The following MPLKIP variants were observed in gnomAD, a reference collection of about 807,000 sequenced individuals.
The protein encoded by MPLKIP is M-phase specific PLK1 interacting protein, also known as M-phase-specific PLK1-interacting protein.
Under a neutral mutation model 16.9 loss-of-function variants are expected in MPLKIP, and 16 were observed. That is an observed-to-expected ratio of 0.94 (90% confidence interval 0.64 to 1.43). The LOEUF (loss-of-function observed/expected upper bound fraction) is 1.43. Ranked by LOEUF, MPLKIP falls within the 40% of genes most tolerant of loss-of-function variation. MPLKIP has a pLI of 0.00. For missense variants in MPLKIP, 282 were observed against 237.6 expected, an observed-to-expected ratio of 1.19 and a Z score of -1.23; for synonymous variants, 126 against 98.4, an observed-to-expected ratio of 1.28 and a Z score of -1.66.
In MPLKIP at chr7:40,132,752, A is replaced by T; in HGVS notation, c.*307T>A. The T allele has an allele frequency of 2.6e-6, 1 of 380,216 alleles. No individual in the cohort carries two copies. Among genetic ancestry groups the T allele is most frequent in the South Asian group, 2.4e-5 (1 of 42,510 alleles). The allele number at this position is 380,216 out of a possible 1,614,324, so 23.6% of individuals were successfully genotyped here. ...ACAAAACCACAATAGCTAGAAGACA[A>T]AATGTTTTATTTTAAAACATTGAAA... is the stretch of plus-strand genomic sequence containing the variant. On this transcript the variant is annotated 3_prime_UTR_variant, in exon 2 of 2. Coordinates refer to ENST00000306984, the MANE Select transcript of MPLKIP (RefSeq NM_138701.4).
rs1787418310 is a variant in MPLKIP, at chr7:40,128,312, TAC to T, written c.*4745_*4746del. 2 of 152,280 alleles carry T rather than the reference TAC, an allele frequency of 1.3e-5. No individual in the cohort carries two copies. Among genetic ancestry groups the T allele is most frequent in the Admixed American group, 6.5e-5 (1 of 15,280 alleles). 9.4% of individuals were successfully genotyped at this position (152,280 alleles called of 1,614,324 possible). On this transcript the variant is annotated 3_prime_UTR_variant, in exon 2 of 2. Coordinates refer to ENST00000306984, the MANE Select transcript of MPLKIP (RefSeq NM_138701.4). The stretch of plus-strand genomic sequence containing the variant: ...CTAAGTATATGGTAGGAATGAATGA[TAC>T]AGAGAAATGGTTGAGTGACAATAGC...
rs1233728853 is a variant in MPLKIP, at chr7:40,134,370, A to T, written c.198T>A (p.Ser66=). 6.4e-7 allele frequency: 1 copy of T among 1,555,608 alleles called. No homozygotes were observed. The highest frequency in any genetic ancestry group is 8.7e-7 in the Non-Finnish European group (1 of 1,150,788). ...CCGGGAAGCTGCCGCCGTGTCGCGG[A>T]GAGTGACTGCTCCCGTACGGCCTAG... ...PRSRPYGSSH[S]PRHGGSFPGG... is the part of the protein sequence containing the mutation. Residue 66 remains serine, a synonymous_variant, in exon 1 of 2, where the codon TCT becomes TCA. Transcript: ENST00000306984.
chr7:40,132,844 T>C lies in MPLKIP; in HGVS notation c.*215A>G, dbSNP rs148932784. On this transcript the variant is annotated 3_prime_UTR_variant, in exon 2 of 2. Coordinates refer to ENST00000306984, the MANE Select transcript of MPLKIP (RefSeq NM_138701.4). ...TAAATATATGGAAACGGTAAATCTC[T>C]AAAATGTGGTAGGTACTTCCAGAGC... 5.4e-4 allele frequency: 310 copies of C among 572,056 alleles called. 1 individual carries two copies. The highest frequency in any genetic ancestry group is 5.2e-3 in the African/African-American group (279 of 53,498). The allele number at this position is 572,056 out of a possible 1,614,324, so 35.4% of individuals were successfully genotyped here. A position where few individuals can be genotyped will look rare whatever the true frequency, so the allele number is the denominator to read the frequency against.
In MPLKIP at chr7:40,134,358, G is replaced by A. The variant is rs766916180; in HGVS notation, c.210C>T (p.Gly70=). The change falls in exon 1 of 2, where the codon GGC becomes GGT. Residue 70 remains glycine (G), a synonymous_variant. Transcript: ENST00000306984. ...CGAACCGGCCCCCCGGGAAGCTGCC[G>A]CCGTGTCGCGGAGAGTGACTGCTCC... The part of the protein sequence containing the change: ...PYGSSHSPRH[G]GSFPGGRFGS... 19 of 1,553,676 alleles carry A rather than the reference G, an allele frequency of 1.2e-5. No homozygotes were observed. Among genetic ancestry groups the A allele is most frequent in the Non-Finnish European group, 1.6e-5 (18 of 1,149,662 alleles).
In MPLKIP at chr7:40,126,973, T is replaced by A. The variant is rs959827791; in HGVS notation, c.*6086A>T. On this transcript the variant is annotated 3_prime_UTR_variant, in exon 2 of 2. Coordinates refer to ENST00000306984, the MANE Select transcript of MPLKIP (RefSeq NM_138701.4). ...AGGCGCCCGCCACCATGCCTGGCTA[T>A]TTTTTTTTTTTTATTTTTAGTAGAG... is the stretch of plus-strand genomic sequence containing the variant. 1 of 140,274 alleles carries A rather than the reference T, an allele frequency of 7.1e-6. No individual in the cohort carries two copies. Among genetic ancestry groups the A allele is most frequent in the African/African-American group, 2.6e-5 (1 of 38,884 alleles). 8.7% of individuals were successfully genotyped at this position (140,274 alleles called of 1,614,324 possible).
chr7:40,133,259 C>G lies in MPLKIP; in HGVS notation c.340G>C (p.Gly114Arg). Residue 114 changes from glycine (G) to arginine (R), a missense_variant and splice_region_variant, in exon 2 of 2, where the codon GGT becomes CGT. Physicochemically the swap from Gly to Arg is moderately radical, Grantham distance 125. Transcript: ENST00000306984. ...AATGGTGTAGATGTCCTTGGAGAAC[C>G]CTTTAGAAAAAAAATCAGTTAAAAA... ...SPGQQQTHPQ[G>R]SPRTSTPFGS... is the part of the protein sequence containing the mutation. 1.2e-6 allele frequency: 2 copies of G among 1,611,552 alleles called. No homozygotes were observed. Among genetic ancestry groups the G allele is most frequent in the Non-Finnish European group, 1.7e-6 (2 of 1,179,476 alleles).
Position 40,131,078 on chromosome 7 carries a change from G to A in MPLKIP, c.*1981C>T, listed in dbSNP as rs1006744785. 6.6e-6 allele frequency: 1 copy of A among 152,140 alleles called. No homozygotes were observed. The highest frequency in any genetic ancestry group is 1.5e-5 in the Non-Finnish European group (1 of 68,030). 9.4% of individuals were successfully genotyped at this position (152,140 alleles called of 1,614,324 possible). On this transcript the variant is annotated 3_prime_UTR_variant, in exon 2 of 2. Coordinates refer to ENST00000306984, the MANE Select transcript of MPLKIP (RefSeq NM_138701.4). ...TAATCCTCCAACACAACACCTCTAT[G>A]ACACAGGTACTATTAATTTTCTCAT...
Position 40,133,178 on chromosome 7 carries a change from T to A in MPLKIP, c.421A>T (p.Lys141Ter), listed in dbSNP as rs991764046. ...RMSNELENYFKPSMLEDPWAG... is the reference protein window; with the variant it reads ...RMSNELENYF ...CAAGGATCTTCAAGCATTGAAGGCT[T>A]GAAATAATTTTCCAACTCATTAGAC... is the stretch of plus-strand genomic sequence containing the variant. The change falls in exon 2 of 2, where the codon AAG (lysine) becomes TAG (stop). Residue 141 changes from lysine (K) to a stop codon, truncating the protein, a stop_gained. Transcript: ENST00000306984. LOFTEE classifies it high-confidence loss of function. The A allele has an allele frequency of 2.5e-5, 40 of 1,613,998 alleles. No homozygotes were observed. Among genetic ancestry groups the A allele is most frequent in the Non-Finnish European group, 3.3e-5 (39 of 1,179,978 alleles).
chr7:40,134,476 G>T lies in MPLKIP; in HGVS notation c.92C>A (p.Pro31Gln). 2 of 1,575,190 alleles carry T rather than the reference G, an allele frequency of 1.3e-6. No homozygotes were observed. Among genetic ancestry groups the T allele is most frequent in the Non-Finnish European group, 1.7e-6 (2 of 1,162,186 alleles). Residue 31 changes from proline (P) to glutamine (Q), a missense_variant, in exon 1 of 2, where the codon CCG (proline) becomes CAG (glutamine). Transcript: ENST00000306984. Reference protein sequence around the residue: ...WGSGSSFRGTPGGGGPRPPSP... With the variant: ...WGSGSSFRGTQGGGGPRPPSP... ...GGGCGGCCGTGGTCCGCCCCCGCCC[G>T]GGGTTCCCCGGAAGCTGCTTCCGCT... is the stretch of plus-strand genomic sequence containing the variant.
intron 1 of MPLKIP, 117 bp from the exon 2 acceptor site, chr7:40,133,376 T>C: frequency 1.2e-6 from 1 of 860,050 alleles, no homozygotes; most frequent in South Asian, 1.4e-5. Context: ...TGAACCTAAA[T>C]AATGTTCAAT....
chr7:40,133,400 C>G (rs1308955616), intron 1 of MPLKIP, 141 bp from the exon 2 acceptor site: 1 of 734,124 alleles, frequency 1.4e-6, no homozygotes, highest in African/African-American at 1.8e-5. Context: ...AAAGTCCATG[C>G]TTCCTTTAAT....
In MPLKIP at chr7:40,133,240, G is replaced by A. The variant is rs1161736115; in HGVS notation, c.359C>T (p.Thr120Ile). 1.9e-6 allele frequency: 3 copies of A among 1,613,164 alleles called. No homozygotes were observed. The highest frequency in any genetic ancestry group is 1.3e-5 in the African/African-American group (1 of 74,846). The stretch of plus-strand genomic sequence containing the variant: ...TCTAACACGCCCTGATCCAAATGGT[G>A]TAGATGTCCTTGGAGAACCCTTTAG... The part of the protein sequence containing the change: ...THPQGSPRTS[T>I]PFGSGRVREK... The change falls in exon 2 of 2, where the codon ACA becomes ATA. Residue 120 changes from threonine to isoleucine, a missense_variant. Physicochemically the swap from Thr to Ile is moderately conservative, Grantham distance 89. Transcript: ENST00000306984.
chr7:40,133,105 C>A lies in MPLKIP; in HGVS notation c.494G>T (p.Ser165Ile), dbSNP rs778910338. Reference protein sequence around the residue: ...VSVVDISQQYSNTQTFTGKKG... With the variant: ...VSVVDISQQYINTQTFTGKKG... ...TTTGCCTGTGAATGTTTGAGTATTG[C>A]TGTATTGTTGGCTTATATCCACTAC... The change falls in exon 2 of 2, where the codon AGC (serine) becomes ATC (isoleucine). Residue 165 changes from serine (S) to isoleucine (I), a missense_variant. Coordinates refer to ENST00000306984, the MANE Select transcript of MPLKIP (RefSeq NM_138701.4). 73 of 1,613,812 alleles carry A rather than the reference C, an allele frequency of 4.5e-5. No homozygotes were observed. The highest frequency in any genetic ancestry group is 5.6e-5 in the Non-Finnish European group (66 of 1,179,964).
chr7:40,133,380 G>T, intron 1 of MPLKIP, 121 bp from the exon 2 acceptor site: 1 of 841,044 alleles, frequency 1.2e-6, no homozygotes, highest in East Asian at 2.5e-5. Flanking sequence ...CCTAAATAAT[G>T]TTCAATTACA....
chr7:40,130,049 A>C lies in MPLKIP; in HGVS notation c.*3010T>G, dbSNP rs1268876945. The C allele has an allele frequency of 6.6e-6, 1 of 152,186 alleles. No homozygotes were observed. Among genetic ancestry groups the C allele is most frequent in the Non-Finnish European group, 1.5e-5 (1 of 68,036 alleles). 9.4% of individuals were successfully genotyped at this position (152,186 alleles called of 1,614,324 possible). A position where few individuals can be genotyped will look rare whatever the true frequency, so the allele number is the denominator to read the frequency against. ...ATTTTAATAAAGGATTTACATGGGC[A>C]CTGCGATCTGAATTTGCATTCCCTT... On this transcript the variant is annotated 3_prime_UTR_variant, in exon 2 of 2. Coordinates refer to ENST00000306984, the MANE Select transcript of MPLKIP (RefSeq NM_138701.4).
intron 1 of MPLKIP, 51 bp downstream of exon 1, chr7:40,134,178 C>T: frequency 6.5e-7 from 1 of 1,528,076 alleles, no homozygotes; most frequent in East Asian, 2.4e-5. Context: ...AATATTAGTA[C>T]CGTGCCTGCC....
At chr7:40,133,943 C>T (rs1398539741) in intron 1 of MPLKIP, among the ~76,000 whole-genome samples, 1 of 150,888 alleles carries the variant, frequency 6.6e-6, no homozygotes, top group Non-Finnish European at 1.5e-5. Flanking sequence ...CTGGCAAGGC[C>T]TTTGGCAAAC....
Position 40,130,942 on chromosome 7 carries a change from C to G in MPLKIP, c.*2117G>C, listed in dbSNP as rs142493330. 36 of 152,290 alleles carry G rather than the reference C, an allele frequency of 2.4e-4. No homozygotes were observed. Among genetic ancestry groups the G allele is most frequent in the African/African-American group, 8.7e-4 (36 of 41,552 alleles). The allele number at this position is 152,290 out of a possible 1,614,324, so 9.4% of individuals were successfully genotyped here. On this transcript the variant is annotated 3_prime_UTR_variant, in exon 2 of 2. Transcript: ENST00000306984. ...TTAAGTACCTACTATCTTGCAGACA[C>G]TATTCTAAAAACTAAGGAAATGGGG...
chr7:40,130,112 A>G lies in MPLKIP; in HGVS notation c.*2947T>C, dbSNP rs1238567503. On this transcript the variant is annotated 3_prime_UTR_variant, in exon 2 of 2. Transcript: ENST00000306984. ...GCCTGCATATCCCTTAGAAAGTTTA[A>G]TATTCCCAGGAGTATGTAGACCCTT... The G allele has an allele frequency of 1.3e-5, 2 of 152,228 alleles. No homozygotes were observed. Among genetic ancestry groups the G allele is most frequent in the Non-Finnish European group, 2.9e-5 (2 of 68,040 alleles). The allele number at this position is 152,228 out of a possible 1,614,324, so 9.4% of individuals were successfully genotyped here. A position where few individuals can be genotyped will look rare whatever the true frequency, so the allele number is the denominator to read the frequency against.
Sources: allele counts gnomAD v4.1 joint callset (sites outside exome capture counted in the v4.1 genomes callset), GRCh38; gene constraint gnomAD v4.1.1; transcripts MANE v1.5; gene names NCBI Gene and HGNC (gene_info 2026-07-23, HGNC 2026-07-21).